XAB2: variants seen among roughly 807,000 people sequenced by gnomAD.
The protein encoded by XAB2 is XPA binding protein 2.
A neutral mutation model predicts 113.4 loss-of-function variants in XAB2; 57 were observed. The ratio of observed to expected loss-of-function variants is 0.50; its 90% confidence interval spans 0.41 to 0.63. The LOEUF (loss-of-function observed/expected upper bound fraction) is 0.63. Among genes scored for constraint, XAB2 ranks in the 20% least tolerant of loss-of-function variants. The pLI is 0.00. For missense variants in XAB2, 1,037 were observed against 1,233.3 expected (o/e 0.84, Z 2.38); for synonymous variants, 497 against 498.8 (o/e 1.00, Z 0.05).
At chr19:7,621,322 G>T (rs370467639) in intron 12 of XAB2, 25 bp from the exon 13 acceptor site, 5 of 1,609,368 alleles carry the variant, frequency 3.1e-6, no homozygotes, top group Non-Finnish European at 4.2e-6. Flanking sequence ...AGAGTCACAT[G>T]TGAGAGTCTG....
At chr19:7,621,343 C>A in intron 12 of XAB2, 46 bp from the exon 13 acceptor site, 2 of 1,597,636 alleles carry the variant, frequency 1.3e-6, no homozygotes, top group Middle Eastern at 3.3e-4. Context: ...CAGATAGAGA[C>A]CACCAGGCAC....
chr19:7,624,155 C>T lies in XAB2; in HGVS notation c.967+146G>A, dbSNP rs1285820686. On this transcript the variant is annotated intron_variant, in intron 7 of 18. Coordinates refer to ENST00000358368, the MANE Select transcript of XAB2 (RefSeq NM_020196.3). The surrounding 1 kb of genome is among the most constrained non-coding windows in gnomAD (Gnocchi z 4.2). Reference sequence around the variant, plus strand: ...CCCCATTCCTGGCTCCTTCAAGACCCCCACACCCCCTGCATCCACTCAGCC... The same window carrying T: ...CCCCATTCCTGGCTCCTTCAAGACCTCCACACCCCCTGCATCCACTCAGCC... The T allele has an allele frequency of 1.2e-5, 17 of 1,365,350 alleles. No homozygotes were observed. The highest frequency in any genetic ancestry group is 3.8e-5 in the Admixed American group (2 of 52,500). 84.6% of individuals were successfully genotyped at this position (1,365,350 alleles called of 1,614,324 possible). A position where few individuals can be genotyped will look rare whatever the true frequency, so the allele number is the denominator to read the frequency against.
chr19:7,625,248 T>G lies in XAB2; in HGVS notation c.822+632A>C, dbSNP rs574891480. ...CACACCACGTACCTCCTCAGTGCTG[T>G]GCCTGCGTCACTGAGCTGATTGGTG... On this transcript the variant is annotated intron_variant, in intron 6 of 18. Transcript: ENST00000358368. The surrounding 1 kb of genome is among the most constrained non-coding windows in gnomAD (Gnocchi z 5.2). 1.3e-5 allele frequency among the ~76,000 whole-genome samples: 2 copies of G among 152,302 alleles called. No homozygotes were observed. Among genetic ancestry groups the G allele is most frequent in the East Asian group, 3.9e-4 (2 of 5,166 alleles).
rs1367502478 is a variant in XAB2, at chr19:7,620,982, G to A, written c.1835C>T (p.Ala612Val). 5 of 1,570,988 alleles carry A rather than the reference G, an allele frequency of 3.2e-6. No homozygotes were observed. The highest frequency in any genetic ancestry group is 1.9e-5 in the Admixed American group (1 of 52,356). Residue 612 changes from alanine (A) to valine (V), a missense_variant, in exon 14 of 19, where the codon GCC (alanine) becomes GTC (valine). Physicochemically the swap from Ala to Val is moderately conservative, Grantham distance 64. Coordinates refer to ENST00000358368, the MANE Select transcript of XAB2 (RefSeq NM_020196.3). ...GGTGGCACGCTCGTACACGGCCATG[G>A]CATGCCGGGCCAGGCCCCACTCCTC... Reference protein sequence around the residue: ...LEEEWGLARHAMAVYERATRA... With the variant: ...LEEEWGLARHVMAVYERATRA...
chr19:7,627,295 C>A lies in XAB2; in HGVS notation c.470G>T (p.Arg157Leu). The change falls in exon 4 of 19, where the codon CGC (arginine) becomes CTC (leucine). Residue 157 changes from arginine to leucine, a missense_variant. Transcript: ENST00000358368. This position sits in a 1 kb window ranked among gnomAD's most constrained non-coding sequence, Gnocchi z 4.5. ...AGCTGTCTCAGGCAGTGGGTGTGAG[C>A]GCAGGAAGCGCAGATACAGGGGCCA... ...RIWPLYLRFL[R>L]SHPLPETAVR... 1 of 1,613,706 alleles carries A rather than the reference C, an allele frequency of 6.2e-7. No homozygotes were observed. Among genetic ancestry groups the A allele is most frequent in the Non-Finnish European group, 8.5e-7 (1 of 1,180,024 alleles).
rs962235639 is a variant in XAB2 at position 7,624,694 on chromosome 19, C to T, written c.823-249G>A. ...GTAAACTGGGTGACTGCCCTTTGCACACAGTGACCTCAGGGCTCGACTGAG... is the reference window on the plus strand; with the variant it reads ...GTAAACTGGGTGACTGCCCTTTGCATACAGTGACCTCAGGGCTCGACTGAG... On this transcript the variant is annotated intron_variant, in intron 6 of 18. Coordinates refer to ENST00000358368, the MANE Select transcript of XAB2 (RefSeq NM_020196.3). The surrounding 1 kb of genome is among the most constrained non-coding windows in gnomAD (Gnocchi z 4.2). 1.8e-4 allele frequency among the ~76,000 whole-genome samples: 28 copies of T among 152,190 alleles called. No individual in the cohort carries two copies. Among genetic ancestry groups the T allele is most frequent in the African/African-American group, 6.8e-4 (28 of 41,440 alleles).
At position 7,624,417 on chromosome 19, in the gene XAB2, C is replaced by T. The variant is rs185366349; in HGVS notation, c.851G>A (p.Arg284Gln). The change falls in exon 7 of 19, where the codon CGG becomes CAG. Residue 284 changes from arginine to glutamine, a missense_variant. Physicochemically the swap from Arg to Gln is conservative, Grantham distance 43. Transcript: ENST00000358368. The surrounding 1 kb of genome is among the most constrained non-coding windows in gnomAD (Gnocchi z 4.2). ...KARDVYEEAI[R>Q]TVMTVRDFTQ... is the part of the protein sequence containing the mutation. ...GAAGTCCCGCACGGTCATCACTGTC[C>T]GGATGGCCTCCTCGTACACGTCCCG... 5.4e-5 allele frequency: 87 copies of T among 1,614,134 alleles called. No homozygotes were observed. The South Asian group carries it at 8.2e-4, about 15-fold the overall frequency.
rs1422697587 is a variant in XAB2, at chr19:7,619,761, T to C, written c.2492A>G (p.Asp831Gly). The change falls in exon 18 of 19, where the codon GAC becomes GGC. Residue 831 changes from aspartate (D) to glycine (G), a missense_variant. Transcript: ENST00000358368. ...CGGGCCCTCACCGTTGGGCTCCAGGTCCATCTCGTCCTCGTCCTCGTCCTC... is the reference window on the plus strand; with the variant it reads ...CGGGCCCTCACCGTTGGGCTCCAGGCCCATCTCGTCCTCGTCCTCGTCCTC... ...LGEDEDEDEM[D>G]LEPNEVRLEQ... is the part of the protein sequence containing the mutation. 6.2e-7 allele frequency: 1 copy of C among 1,613,696 alleles called. No individual in the cohort carries two copies. Among genetic ancestry groups the C allele is most frequent in the Non-Finnish European group, 8.5e-7 (1 of 1,179,892 alleles).
At position 7,627,395 on chromosome 19, in the gene XAB2, C is replaced by T. The variant is rs2031162846; in HGVS notation, c.370G>A (p.Gly124Arg). 1.2e-6 allele frequency: 2 copies of T among 1,607,402 alleles called. No individual in the cohort carries two copies. The highest frequency in any genetic ancestry group is 1.7e-6 in the Non-Finnish European group (2 of 1,177,882). The change falls in exon 4 of 19, where the codon GGG (glycine) becomes AGG (arginine). Residue 124 changes from glycine (G) to arginine (R), a missense_variant. Transcript: ENST00000358368. This position sits in a 1 kb window ranked among gnomAD's most constrained non-coding sequence, Gnocchi z 4.5. ...LDYCQFLMDQ[G>R]RVTHTRRTFD... ...GTGCGGCGGGTGTGTGTGACGCGCC[C>T]CTGGTCCATGAGGAACTGGCAGTAA...
intron 1 of XAB2, 65 bp downstream of exon 1, chr19:7,629,412 T>C: frequency 6.5e-7 from 1 of 1,547,704 alleles, no homozygotes. Flanking sequence ...CCAGCCTCGA[T>C]CCCCTGCGGC....
chr19:7,629,073 G>C (rs2031202551), intron 1 of XAB2, among the ~76,000 whole-genome samples: 1 of 152,194 alleles, frequency 6.6e-6, no homozygotes, highest in Admixed American at 6.5e-5. Flanking sequence ...TCCAGGCCTA[G>C]AGACCGCTAT....
Position 7,626,279 on chromosome 19 carries a change from C to G in XAB2, c.523-9G>C, listed in dbSNP as rs772954668. The G allele has an allele frequency of 2.5e-6, 4 of 1,605,036 alleles. No homozygotes were observed. The South Asian group carries it at 4.4e-5, about 18-fold the overall frequency. On this transcript the variant is annotated splice_polypyrimidine_tract_variant and intron_variant, in intron 4 of 18. Coordinates refer to ENST00000358368, the MANE Select transcript of XAB2 (RefSeq NM_020196.3). Reference sequence around the variant, plus strand: ...GCACTCTCAGGACTCAGCTGGGGACCGAGCCACCCCTCAGGCAGTCAGTGG... The same window carrying G: ...GCACTCTCAGGACTCAGCTGGGGACGGAGCCACCCCTCAGGCAGTCAGTGG...
intron 4 of XAB2, 149 bp from the exon 5 acceptor site, chr19:7,626,419 G>A: frequency 8.6e-7 from 1 of 1,163,674 alleles, no homozygotes; most frequent in Non-Finnish European, 1.2e-6. Context: ...AGCCCCACTG[G>A]TCCAGCCCGG....
At chr19:7,622,104 C>T (rs986781735) in intron 12 of XAB2, 31 of 515,034 alleles carry the variant, frequency 6.0e-5, no homozygotes, top group Middle Eastern at 5.3e-4. Flanking sequence ...AGGGAGAAGG[C>T]GGCTGTCTGT....
At position 7,627,755 on chromosome 19, in the gene XAB2, A is replaced by G. The variant is rs374584201; in HGVS notation, c.297T>C (p.His99=). The G allele has an allele frequency of 2.4e-5, 39 of 1,613,690 alleles. No individual in the cohort carries two copies. The highest frequency in any genetic ancestry group is 3.1e-5 in the Non-Finnish European group (36 of 1,179,984). Reference sequence around the variant, plus strand: ...TGTGCATGAACACAAAGGCCCTCTCATGACAGTTGTTGACATCTTCATAGG... The same window carrying G: ...TGTGCATGAACACAAAGGCCCTCTCGTGACAGTTGTTGACATCTTCATAGG... ...DPAYEDVNNC[H]ERAFVFMHKM... is the part of the protein sequence containing the mutation. The change falls in exon 3 of 19, where the codon CAT becomes CAC. Residue 99 remains histidine (H), a synonymous_variant. Coordinates refer to ENST00000358368, the MANE Select transcript of XAB2 (RefSeq NM_020196.3). The surrounding 1 kb of genome is among the most constrained non-coding windows in gnomAD (Gnocchi z 4.5).
At position 7,627,881 on chromosome 19, in the gene XAB2, C is replaced by T. The variant is rs771947089; in HGVS notation, c.201-30G>A. ...GGAATAGGAGGGGACAGATGCTGAT[C>T]GGTCAGCTTTATGGACACCCCCAGA... is the stretch of plus-strand genomic sequence containing the variant. On this transcript the variant is annotated intron_variant, in intron 2 of 18. Transcript: ENST00000358368. The surrounding 1 kb of genome is among the most constrained non-coding windows in gnomAD (Gnocchi z 4.5). 1.9e-5 allele frequency: 31 copies of T among 1,602,780 alleles called. No individual in the cohort carries two copies. In the Middle Eastern group the frequency reaches 6.6e-4, roughly 34 times the overall value.
intron 15 of XAB2, 26 bp from the exon 16 acceptor site, chr19:7,620,472 G>GGT (rs758318567): frequency 1.2e-6 from 2 of 1,608,300 alleles, no homozygotes; most frequent in South Asian, 1.1e-5. Flanking sequence ...GGCAGGGGTG[G>GGT]GTGTGTGTGC....
At position 7,626,067 on chromosome 19, in the gene XAB2, G is replaced by A. The variant is rs369664782; in HGVS notation, c.658-23C>T. 8 of 1,608,334 alleles carry A rather than the reference G, an allele frequency of 5.0e-6. No homozygotes were observed. The African/African-American group carries it at 9.3e-5, about 19-fold the overall frequency. ...CAGCTGCAGGGCATGGGGCAGTGGG[G>A]GAGAGTCTCAGGCTCAGTCATGGAG... On this transcript the variant is annotated intron_variant, in intron 5 of 18. Transcript: ENST00000358368.
In XAB2 at chr19:7,625,769, A is replaced by G; in HGVS notation, c.822+111T>C. 7.0e-7 allele frequency: 1 copy of G among 1,421,300 alleles called. No individual in the cohort carries two copies. Among genetic ancestry groups the G allele is most frequent in the Non-Finnish European group, 9.4e-7 (1 of 1,068,092 alleles). The allele number at this position is 1,421,300 out of a possible 1,614,324, so 88.0% of individuals were successfully genotyped here. A position where few individuals can be genotyped will look rare whatever the true frequency, so the allele number is the denominator to read the frequency against. ...GCTGGGATGACAGGTGTGAGCCACC[A>G]CACCCAGCCATAAATGGCATGTTTT... is the stretch of plus-strand genomic sequence containing the variant. On this transcript the variant is annotated intron_variant, in intron 6 of 18. Transcript: ENST00000358368. This position sits in a 1 kb window ranked among gnomAD's most constrained non-coding sequence, Gnocchi z 5.2.
Sources: gnomAD v4.1 joint callset for allele counts (sites outside exome capture counted in the v4.1 genomes callset) on GRCh38, gnomAD v4.1.1 for gene constraint, Gnocchi (gnomAD v3.1) non-coding constraint, MANE v1.5 for transcripts, NCBI Gene and HGNC (gene_info 2026-07-23, HGNC 2026-07-21) for gene names.